METTL16: variants seen among roughly 807,000 people sequenced by gnomAD.
METTL16 encodes RNA N(6)-adenosine-methyltransferase METTL16.
In METTL16, 19 loss-of-function variants were observed where a neutral mutation model predicts 57.9. The ratio of observed to expected loss-of-function variants is 0.33; its 90% CI spans 0.23 to 0.48. METTL16 has a LOEUF of 0.48. Among genes scored for constraint, METTL16 ranks in the 20% least tolerant of loss-of-function variants. The pLI is 0.99. For synonymous variants in METTL16, 246 were observed against 255.6 expected (o/e 0.96, Z 0.36); for missense variants, 434 against 691.5 (o/e 0.63, Z 4.18).
At chr17:2,428,599 AT>A (rs1567881727) in intron 8 of METTL16, among the ~76,000 whole-genome samples, 10,730 of 41,116 alleles carry the variant, frequency 0.26, 1,728 homozygotes, top group East Asian at 0.47. Context: ...ATATATATAT[AT>A]ATAAATTGTA....
chr17:2,504,628 T>G (rs1456483812), intron 1 of METTL16, among the ~76,000 whole-genome samples: 2 of 152,224 alleles, frequency 1.3e-5, no homozygotes, highest in East Asian at 3.8e-4. Context: ...CAATCATACC[T>G]CACTGCAGCC....
At chr17:2,492,807 G>C (rs1215245139) in intron 2 of METTL16, among the ~76,000 whole-genome samples, 1 of 142,990 alleles carries the variant, frequency 7.0e-6, no homozygotes, top group Non-Finnish European at 1.5e-5. Flanking sequence ...TGAGGCAGGA[G>C]AATTGCTTGA....
chr17:2,430,720 G>C (rs930228317), intron 8 of METTL16, among the ~76,000 whole-genome samples: 1 of 151,848 alleles, frequency 6.6e-6, no homozygotes, highest in Non-Finnish European at 1.5e-5. Flanking sequence ...GCCCAGCCTA[G>C]ATATATTTTT....
intron 2 of METTL16, among the ~76,000 whole-genome samples, chr17:2,488,301 A>C (rs2067358295): frequency 6.6e-6 from 1 of 152,232 alleles, no homozygotes; most frequent in Admixed American, 6.5e-5. Flanking sequence ...TCACGCCTGT[A>C]ATCCCAACAC....
intron 7 of METTL16, among the ~76,000 whole-genome samples, chr17:2,441,042 T>C (rs939002908): frequency 1.3e-5 from 2 of 149,708 alleles, no homozygotes; most frequent in Non-Finnish European, 3.0e-5. Context: ...ATATCTGGAC[T>C]TGAATAAACT....
At chr17:2,485,719 C>T (rs1567901918) in intron 2 of METTL16, among the ~76,000 whole-genome samples, 1 of 152,262 alleles carries the variant, frequency 6.6e-6, no homozygotes, top group East Asian at 1.9e-4. Context: ...CCAGGTATTA[C>T]GCAAAATGCT....
chr17:2,420,546 T>C lies in METTL16; in HGVS notation c.1113A>G (p.Leu371=). The change falls in exon 10 of 10, where the codon CTA becomes CTG. Residue 371 remains leucine (L), a synonymous_variant. Transcript: ENST00000263092. This position sits in a 1 kb window ranked among gnomAD's most constrained non-coding sequence, Gnocchi z 5.4. Reference sequence around the variant, plus strand: ...GAATCCAGGAGTTTTCTATGGCCGTTAGGAAAAGGCTGACTTCCTCTTTTC... The same window carrying C: ...GAATCCAGGAGTTTTCTATGGCCGTCAGGAAAAGGCTGACTTCCTCTTTTC... ...PCGKEEVSLF[L]TAIENSWIHL... is the part of the protein sequence containing the mutation. The C allele has an allele frequency of 6.2e-7, 1 of 1,613,534 alleles. No individual in the cohort carries two copies. Among genetic ancestry groups the C allele is most frequent in the South Asian group, 1.1e-5 (1 of 91,090 alleles).
At chr17:2,455,818 C>CA (rs1264613365) in intron 6 of METTL16, among the ~76,000 whole-genome samples, 2 of 151,768 alleles carry the variant, frequency 1.3e-5, no homozygotes, top group African/African-American at 4.8e-5. Flanking sequence ...CCCATCTCTA[C>CA]AAAAAAATGC....
chr17:2,507,602 G>A (rs1362621932), intron 1 of METTL16, among the ~76,000 whole-genome samples: 32 of 152,232 alleles, frequency 2.1e-4, no homozygotes, highest in Non-Finnish European at 2.8e-4. Context: ...CCCTCTGCCC[G>A]GCCACCACCC....
At chr17:2,440,505 C>G (rs1597444536) in intron 7 of METTL16, among the ~76,000 whole-genome samples, 1 of 152,076 alleles carries the variant, frequency 6.6e-6, no homozygotes, top group African/African-American at 2.4e-5. Flanking sequence ...CATCGGCCTG[C>G]CAAAGTGCTG....
chr17:2,489,470 C>T (rs1016373087), intron 2 of METTL16, among the ~76,000 whole-genome samples: 10 of 152,030 alleles, frequency 6.6e-5, no homozygotes, highest in Non-Finnish European at 1.5e-4. Context: ...GCCTGGCCAA[C>T]ACGGTGAAAC....
intron 6 of METTL16, among the ~76,000 whole-genome samples, chr17:2,447,452 G>A (rs2067010477): frequency 1.4e-5 from 2 of 141,470 alleles, no homozygotes; most frequent in African/African-American, 5.9e-5. Context: ...GGGAGGTGGG[G>A]GGGGTCAGCC....
chr17:2,428,589 ATATATATATAT>A lies in METTL16; in HGVS notation c.889-7696_889-7686del, dbSNP rs1459431043. ...AATATATATATATATATATATATATATATATATATATATAAATTGTAATACAGCGGGGCACA... is the reference window on the plus strand; with the variant it reads ...AATATATATATATATATATATATATAATAAATTGTAATACAGCGGGGCACA... On this transcript the variant is annotated intron_variant, in intron 8 of 9. Coordinates refer to ENST00000263092, the MANE Select transcript of METTL16 (RefSeq NM_024086.4). 2.5e-3 allele frequency among the ~76,000 whole-genome samples: 124 copies of A among 49,956 alleles called. 7 individuals are homozygous for A. Among genetic ancestry groups the A allele is most frequent in the East Asian group, 0.015 (5 of 334 alleles). The allele number at this position is 49,956 out of a possible 152,430, so 32.8% of individuals were successfully genotyped here.
At chr17:2,435,015 A>T (rs1181338830) in intron 8 of METTL16, among the ~76,000 whole-genome samples, 1 of 152,252 alleles carries the variant, frequency 6.6e-6, no homozygotes, top group African/African-American at 2.4e-5. Context: ...GAGCTGGAAC[A>T]AAGAGGTAAG....
chr17:2,465,665 C>A (rs376713970), intron 5 of METTL16, among the ~76,000 whole-genome samples: 1 of 151,400 alleles, frequency 6.6e-6, no homozygotes, highest in South Asian at 2.1e-4. Context: ...GATTTCGAGA[C>A]CAGCCTGGCC....
chr17:2,416,169 G>A lies in METTL16; in HGVS notation c.*3801C>T, dbSNP rs895096175. 1 of 152,280 alleles carries A rather than the reference G, an allele frequency of 6.6e-6. No individual in the cohort carries two copies. Among genetic ancestry groups the A allele is most frequent in the African/African-American group, 2.4e-5 (1 of 41,546 alleles). 9.4% of individuals were successfully genotyped at this position (152,280 alleles called of 1,614,324 possible). ...TCAAGAAAACACCGTGGACAGACTT[G>A]TCTCCATTCCCACGGGGAAGTGAAG... On this transcript the variant is annotated 3_prime_UTR_variant, in exon 10 of 10. Transcript: ENST00000263092.
chr17:2,499,370 T>A (rs1423025844), intron 2 of METTL16, among the ~76,000 whole-genome samples: 1 of 150,078 alleles, frequency 6.7e-6, no homozygotes, highest in Non-Finnish European at 1.5e-5. Context: ...GATTTCGCTA[T>A]GTTGCCCAGG....
rs2066889963 is a variant in METTL16, at chr17:2,433,598, G to A, written c.888+4511C>T. Among the ~76,000 whole-genome samples the A allele has an allele frequency of 3.9e-5, 6 of 152,282 alleles. No homozygotes were observed. The South Asian group carries it at 1.2e-3, about 32-fold the overall frequency. On this transcript the variant is annotated intron_variant, in intron 8 of 9. Coordinates refer to ENST00000263092, the MANE Select transcript of METTL16 (RefSeq NM_024086.4). ...TCAGGCTGTGAAATCAGACTCATCT[G>A]GGTTCTAACCTGACTTTTTGGAGCC...
intron 7 of METTL16, among the ~76,000 whole-genome samples, chr17:2,439,142 C>T (rs529395035): frequency 6.6e-6 from 1 of 152,050 alleles, no homozygotes; most frequent in Non-Finnish European, 1.5e-5. Flanking sequence ...CAGGGTCTCG[C>T]TCTGTCGTCC....
Sources: allele counts gnomAD v4.1 joint callset (sites outside exome capture counted in the v4.1 genomes callset), GRCh38; gene constraint gnomAD v4.1.1; non-coding constraint Gnocchi (gnomAD v3.1); transcripts MANE v1.5; gene names NCBI Gene and HGNC (gene_info 2026-07-23, HGNC 2026-07-21).